The following LIX1L variants were observed in gnomAD, a reference collection of about 807,000 sequenced individuals.
LIX1L encodes the protein limb and CNS expressed 1 like.
In LIX1L, 20 loss-of-function variants were observed where a neutral mutation model predicts 34.0. The observed-to-expected ratio is 0.59, with a 90% CI of 0.41 to 0.85. The LOEUF is 0.85. Among genes scored for constraint, LIX1L ranks in the 40% least tolerant of loss-of-function variants. LIX1L has a pLI of 0.00. For synonymous variants in LIX1L, 170 were observed against 187.4 expected (o/e 0.91, Z 0.76); for missense variants, 397 against 447.0 (o/e 0.89, Z 1.01).
At chr1:145,937,171 T>TTTACTTAC (rs369258322) in intron 4 of LIX1L, among the ~76,000 whole-genome samples, 186 bp from the exon 5 acceptor site, 1 of 81,124 alleles carries the variant, frequency 1.2e-5, no homozygotes, top group Non-Finnish European at 2.5e-5. Context: ...TATTTATTTA[T>TTTACTTAC]TTACTTACTT....
At chr1:145,949,884 T>G (rs1461475075) in intron 1 of LIX1L, among the ~76,000 whole-genome samples, 1 of 151,108 alleles carries the variant, frequency 6.6e-6, no homozygotes, top group Non-Finnish European at 1.5e-5. Context: ...TGGAGCGATC[T>G]CAGCTCACTG....
chr1:145,936,730 T>C, intron 5 of LIX1L, 178 bp from the exon 6 acceptor site: 1 of 823,524 alleles, frequency 1.2e-6, no homozygotes, highest in Non-Finnish European at 1.9e-6. Flanking sequence ...GACAAAAGAA[T>C]CACAGCTAAT....
intron 3 of LIX1L, among the ~76,000 whole-genome samples, chr1:145,937,985 G>A (rs587595494): frequency 3.9e-5 from 6 of 151,910 alleles, no homozygotes; most frequent in Non-Finnish European, 8.8e-5. Context: ...AAAATTAGCC[G>A]GGCATGGTAG....
At position 145,957,667 on chromosome 1, in the gene LIX1L, G is replaced by T; in HGVS notation, c.261C>A (p.Ser87Arg). Residue 87 changes from serine (S) to arginine (R), a missense_variant, in exon 1 of 6, where the codon AGC becomes AGA. By Grantham distance (110) the Ser-to-Arg change is moderately radical. Transcript: ENST00000604000. ...LREAVEAVVR[S>R]FAKHTQGYGR... ...CATAGCCCTGCGTGTGCTTGGCGAA[G>T]CTCCTCACCACGGCCTCCACGGCCT... is the stretch of plus-strand genomic sequence containing the variant. The T allele has an allele frequency of 6.5e-7, 1 of 1,542,350 alleles. No homozygotes were observed.
At chr1:145,942,931 T>C in intron 2 of LIX1L, 78 bp from the exon 3 acceptor site, 3 of 1,402,854 alleles carry the variant, frequency 2.1e-6, no homozygotes, top group Non-Finnish European at 3.0e-6. Context: ...AGGGAAACAC[T>C]TCAGATAGAA....
At chr1:145,953,277 T>A (rs1260125889) in intron 1 of LIX1L, among the ~76,000 whole-genome samples, 2 of 152,006 alleles carry the variant, frequency 1.3e-5, no homozygotes, top group East Asian at 3.8e-4. Context: ...TAAGGATAAA[T>A]ACAACCTTGC....
intron 1 of LIX1L, 24 bp downstream of exon 1, chr1:145,957,612 A>T: frequency 6.0e-6 from 9 of 1,489,022 alleles, no homozygotes; most frequent in Non-Finnish European, 7.1e-6. Flanking sequence ...GGTGTCGCGC[A>T]GGAGGCCAGA....
Position 145,942,948 on chromosome 1 carries a change from T to C in LIX1L, c.457-95A>G, listed in dbSNP as rs1648975771. On this transcript the variant is annotated intron_variant, in intron 2 of 5. Transcript: ENST00000604000. The stretch of plus-strand genomic sequence containing the variant: ...GGAAACACTTCAGATAGAAAACACT[T>C]GGACGCTCTTTGGATAAATCAGTTG... The C allele has an allele frequency of 2.5e-6, 3 of 1,204,624 alleles. No individual in the cohort carries two copies. The African/African-American group carries it at 4.5e-5, about 18-fold the overall frequency. The allele number at this position is 1,204,624 out of a possible 1,614,324, so 74.6% of individuals were successfully genotyped here.
At position 145,933,749 on chromosome 1, in the gene LIX1L, C is replaced by G. The variant is rs1268087015; in HGVS notation, c.*2561G>C. 1 of 151,890 alleles carries G rather than the reference C, an allele frequency of 6.6e-6. No individual in the cohort carries two copies. Among genetic ancestry groups the G allele is most frequent in the Non-Finnish European group, 1.5e-5 (1 of 67,988 alleles). The allele number at this position is 151,890 out of a possible 1,614,324, so 9.4% of individuals were successfully genotyped here. ...TGTTTTTGCCTTTACTCCAACCCGA[C>G]GTGTTTCATGGAATACAAACATGGG... is the stretch of plus-strand genomic sequence containing the variant. On this transcript the variant is annotated 3_prime_UTR_variant, in exon 6 of 6. Transcript: ENST00000604000.
Position 145,937,674 on chromosome 1 carries a change from G to C in LIX1L, c.623C>G (p.Pro208Arg), listed in dbSNP as rs1231832855. Residue 208 changes from proline (P) to arginine (R), a missense_variant, in exon 4 of 6, where the codon CCA becomes CGA. Around this residue, in one of 3 missense-constraint regions of LIX1L, gnomAD observed 174 missense variants for 204.0 expected, o/e 0.85. Coordinates refer to ENST00000604000, the MANE Select transcript of LIX1L (RefSeq NM_153713.3). ...FNGNREEADN[P>R]NTGIGAFRFM... ...TCGGAAGGCACCAATCCCTGTATTT[G>C]GGTTGTCAGCTTCCTCCCTGTTGCC... 1.9e-6 allele frequency: 3 copies of C among 1,613,232 alleles called. No individual in the cohort carries two copies. Among genetic ancestry groups the C allele is most frequent in the Non-Finnish European group, 2.5e-6 (3 of 1,179,354 alleles).
Position 145,947,910 on chromosome 1 carries a change from A to G in LIX1L, c.293-128T>C, listed in dbSNP as rs1352151094. On this transcript the variant is annotated intron_variant, in intron 1 of 5. Coordinates refer to ENST00000604000, the MANE Select transcript of LIX1L (RefSeq NM_153713.3). ...GCCCCTTAGCTCCCTACCTATCGCC[A>G]TTGAAAAGCATTTAAGTTAATAAAC... is the stretch of plus-strand genomic sequence containing the variant. 1.4e-5 allele frequency: 10 copies of G among 724,218 alleles called. No individual in the cohort carries two copies. In the East Asian group the frequency reaches 2.6e-4, roughly 19 times the overall value. 44.9% of individuals were successfully genotyped at this position (724,218 alleles called of 1,614,324 possible). A position where few individuals can be genotyped will look rare whatever the true frequency, so the allele number is the denominator to read the frequency against.
chr1:145,955,684 T>G (rs587703977), intron 1 of LIX1L, among the ~76,000 whole-genome samples: 4 of 152,324 alleles, frequency 2.6e-5, no homozygotes, highest in African/African-American at 9.6e-5. Flanking sequence ...CTGAACTATC[T>G]GCCAGACTTT....
In LIX1L at chr1:145,935,478, T is replaced by C. The variant is rs1166261368; in HGVS notation, c.*832A>G. 1.3e-5 allele frequency: 2 copies of C among 152,348 alleles called. No individual in the cohort carries two copies. Among genetic ancestry groups the C allele is most frequent in the Non-Finnish European group, 2.9e-5 (2 of 68,066 alleles). 9.4% of individuals were successfully genotyped at this position (152,348 alleles called of 1,614,324 possible). On this transcript the variant is annotated 3_prime_UTR_variant, in exon 6 of 6. Coordinates refer to ENST00000604000, the MANE Select transcript of LIX1L (RefSeq NM_153713.3). ...GGTGAAGGGAAATATGGAAATATGT[T>C]TTACTTTCTACTAATAGCTGCAGGC...
rs1559236015 is a variant in LIX1L, at chr1:145,934,578, A to ACAAAAACAAAAACAAAACC, written c.*1731_*1732insGGTTTTGTTTTTGTTTTTG. ...GACAGAGCGAGACTCCGTCTCAAAA[A>ACAAAAACAAAAACAAAACC]AAAAAAAAACACACAAATAGTTTGG... is the stretch of plus-strand genomic sequence containing the variant. On this transcript the variant is annotated 3_prime_UTR_variant, in exon 6 of 6. Transcript: ENST00000604000. The ACAAAAACAAAAACAAAACC allele has an allele frequency of 3.1e-5, 4 of 130,802 alleles. No individual in the cohort carries two copies. Among genetic ancestry groups the ACAAAAACAAAAACAAAACC allele is most frequent in the African/African-American group, 6.7e-5 (2 of 29,734 alleles). 8.1% of individuals were successfully genotyped at this position (130,802 alleles called of 1,614,324 possible).
At chr1:145,937,013 G>C in intron 4 of LIX1L, 28 bp from the exon 5 acceptor site, 1 of 1,514,496 alleles carries the variant, frequency 6.6e-7, no homozygotes, top group Non-Finnish European at 9.2e-7. Flanking sequence ...GAAGTACCAG[G>C]ACAGTGATTT....
At chr1:145,957,576 T>C in intron 1 of LIX1L, 60 bp downstream of exon 1, 5 of 1,400,566 alleles carry the variant, frequency 3.6e-6, no homozygotes, top group Non-Finnish European at 4.6e-6. Flanking sequence ...TCCGGAGGAC[T>C]GTGGGAGCAA....
chr1:145,957,962 C>T lies in LIX1L; in HGVS notation c.-35G>A, dbSNP rs1649557775. 5.8e-6 allele frequency: 8 copies of T among 1,384,314 alleles called. No homozygotes were observed. Among genetic ancestry groups the T allele is most frequent in the Non-Finnish European group, 6.6e-6 (7 of 1,057,960 alleles). 85.8% of individuals were successfully genotyped at this position (1,384,314 alleles called of 1,614,324 possible). A position where few individuals can be genotyped will look rare whatever the true frequency, so the allele number is the denominator to read the frequency against. On this transcript the variant is annotated 5_prime_UTR_variant, in exon 1 of 6. Coordinates refer to ENST00000604000, the MANE Select transcript of LIX1L (RefSeq NM_153713.3). Reference sequence around the variant, plus strand: ...CAATGGAGTAGCGCCCCGGAGCCTGCCAGCCTGCCGAGCTAACGGTCCCAA... The same window carrying T: ...CAATGGAGTAGCGCCCCGGAGCCTGTCAGCCTGCCGAGCTAACGGTCCCAA...
chr1:145,938,262 A>G (rs1553758092), intron 3 of LIX1L, among the ~76,000 whole-genome samples: 1 of 152,188 alleles, frequency 6.6e-6, no homozygotes, highest in East Asian at 1.9e-4. Context: ...ACTTTCTGAA[A>G]TGTGGTATAA....
intron 3 of LIX1L, chr1:145,940,103 T>G (rs936191193): frequency 6.6e-6 from 1 of 151,942 alleles, no homozygotes; most frequent in African/African-American, 2.4e-5. Context: ...ATAGCTGGAA[T>G]TACAGGCGCC....
Sources: allele counts gnomAD v4.1 joint callset (sites outside exome capture counted in the v4.1 genomes callset), GRCh38; gene constraint gnomAD v4.1.1; regional missense constraint gnomAD v4.1.1; transcripts MANE v1.5; gene names NCBI Gene and HGNC (gene_info 2026-07-23, HGNC 2026-07-21).